RALY: variants seen among roughly 807,000 people sequenced by gnomAD.
RALY encodes RNA-binding protein Raly.
A neutral mutation model predicts 30.7 loss-of-function variants in RALY; 15 were observed. That is an observed-to-expected ratio of 0.49 (90% CI 0.33 to 0.75). The LOEUF is 0.75. Ranked by LOEUF, RALY falls within the 30% of genes least tolerant of loss-of-function variation. The probability of loss-of-function intolerance (pLI) is 0.02; values close to 1 mark genes in which losing one functional copy is unlikely to be tolerated. For missense variants in RALY, 339 were observed against 414.3 expected (o/e 0.82, Z 1.58); for synonymous variants, 177 against 170.8 (o/e 1.04, Z -0.28).
chr20:34,015,327 A>T (rs2031561631), intron 1 of RALY, among the ~76,000 whole-genome samples: 1 of 150,434 alleles, frequency 6.6e-6, no homozygotes. Context: ...TCTTCTCAAT[A>T]TTTCCCCCTT....
chr20:33,994,946 G>A (rs1163095391), intron 1 of RALY, among the ~76,000 whole-genome samples: 1 of 152,186 alleles, frequency 6.6e-6, no homozygotes, highest in Non-Finnish European at 1.5e-5. Flanking sequence ...AAGGCGCAGA[G>A]GGGTCAAGTA....
chr20:34,031,897 G>C (rs893173346), intron 2 of RALY, among the ~76,000 whole-genome samples: 1 of 152,112 alleles, frequency 6.6e-6, no homozygotes, highest in East Asian at 1.9e-4. Context: ...GCAGGTGGGG[G>C]GCTATCCTGG....
rs2034066727 is a variant in RALY, at chr20:34,083,940, TC to T, written c.*4037del. 1 of 152,182 alleles carries T rather than the reference TC, an allele frequency of 6.6e-6. No individual in the cohort carries two copies. The highest frequency in any genetic ancestry group is 1.5e-5 in the Non-Finnish European group (1 of 68,028). 9.4% of individuals were successfully genotyped at this position (152,182 alleles called of 1,614,324 possible). ...GTAGCCAGATTCTTCATAATAAACT[TC>T]CTCCATAACAGTAAACCATTTCCTG... On this transcript the variant is annotated 3_prime_UTR_variant, in exon 10 of 10. Coordinates refer to ENST00000246194, the MANE Select transcript of RALY (RefSeq NM_016732.3).
At chr20:34,028,137 T>C (rs1391700028) in intron 1 of RALY, among the ~76,000 whole-genome samples, 1 of 151,966 alleles carries the variant, frequency 6.6e-6, no homozygotes, top group African/African-American at 2.4e-5. Flanking sequence ...AACACAAAAA[T>C]TAGCCAGACG....
intron 2 of RALY, among the ~76,000 whole-genome samples, chr20:34,056,056 C>T (rs1472517109): frequency 6.6e-6 from 1 of 152,138 alleles, no homozygotes; most frequent in African/African-American, 2.4e-5. Context: ...CACTGGGCTG[C>T]GTACAACATC....
At chr20:33,997,656 G>T (rs950490130) in intron 1 of RALY, among the ~76,000 whole-genome samples, 8 of 152,206 alleles carry the variant, frequency 5.3e-5, no homozygotes, top group Non-Finnish European at 5.9e-5. Flanking sequence ...TGGGTTCTTG[G>T]AGGATGTTTA....
chr20:34,004,141 G>C (rs1464955746), intron 1 of RALY, among the ~76,000 whole-genome samples: 2 of 152,222 alleles, frequency 1.3e-5, no homozygotes, highest in African/African-American at 4.8e-5. Context: ...TGATTGGGAA[G>C]TTCAGAAGGG....
At chr20:34,017,689 C>CT (rs1397928686) in intron 1 of RALY, 1 of 152,214 alleles carries the variant, frequency 6.6e-6, no homozygotes, top group African/African-American at 2.4e-5. Context: ...CTGAACTGGC[C>CT]TTGTGCAAGG....
Position 34,076,897 on chromosome 20 carries a change from G to A in RALY, c.658+82G>A, listed in dbSNP as rs2033896026. ...GGGAAATAGTACATGGGAGAGAGGA[G>A]CTAGGGTGGCCCTGCAGATCCTGGA... On this transcript the variant is annotated intron_variant, in intron 7 of 9. Transcript: ENST00000246194. 6 of 1,587,006 alleles carry A rather than the reference G, an allele frequency of 3.8e-6. No individual in the cohort carries two copies. In the Admixed American group the frequency reaches 7.0e-5, roughly 18 times the overall value.
At chr20:34,047,645 CTGTAATAAT>C (rs2032928835) in intron 2 of RALY, among the ~76,000 whole-genome samples, 1 of 152,146 alleles carries the variant, frequency 6.6e-6, no homozygotes, top group Non-Finnish European at 1.5e-5. Flanking sequence ...CTGCCATTTA[CTGTAATAAT>C]TGTGTTCCTT....
rs151324482 is a variant in RALY, at chr20:34,049,861, A to G, written c.-10+18257A>G. ...TATTTTGAAAAGTATAAAGATGGCA[A>G]CCTTTCTTTCTATCCCCTACTTAGT... is the stretch of plus-strand genomic sequence containing the variant. On this transcript the variant is annotated intron_variant, in intron 2 of 9. Transcript: ENST00000246194. Among the ~76,000 whole-genome samples the G allele has an allele frequency of 3.1e-3, 465 of 152,252 alleles. 4 individuals carry two copies. The highest frequency in any genetic ancestry group is 0.01 in the Middle Eastern group (3 of 294).
intron 1 of RALY, among the ~76,000 whole-genome samples, chr20:34,007,171 A>G (rs374483681): frequency 2.0e-5 from 3 of 152,184 alleles, no homozygotes; most frequent in East Asian, 1.9e-4. Flanking sequence ...ACACAGGCCT[A>G]CTTGTCTGCA....
rs2034073332 is a variant in RALY, at chr20:34,084,472, A to G, written c.*4567A>G. 1 of 152,258 alleles carries G rather than the reference A, an allele frequency of 6.6e-6. No homozygotes were observed. The highest frequency in any genetic ancestry group is 2.4e-5 in the African/African-American group (1 of 41,464). 9.4% of individuals were successfully genotyped at this position (152,258 alleles called of 1,614,324 possible). A position where few individuals can be genotyped will look rare whatever the true frequency, so the allele number is the denominator to read the frequency against. ...AGGCATCCACTGTGTGGTTATGTCTATTCTATAGATTTTGTAGATGAGGTT... is the reference window on the plus strand; with the variant it reads ...AGGCATCCACTGTGTGGTTATGTCTGTTCTATAGATTTTGTAGATGAGGTT... On this transcript the variant is annotated 3_prime_UTR_variant, in exon 10 of 10. Coordinates refer to ENST00000246194, the MANE Select transcript of RALY (RefSeq NM_016732.3).
chr20:34,006,027 A>G (rs1187295669), intron 1 of RALY, among the ~76,000 whole-genome samples: 1 of 152,222 alleles, frequency 6.6e-6, no homozygotes, highest in Non-Finnish European at 1.5e-5. Context: ...AATTTTGTCA[A>G]TTATGAATAA....
chr20:34,073,957 T>G (rs963036201), intron 5 of RALY, 91 bp downstream of exon 5: 25 of 1,435,792 alleles, frequency 1.7e-5, no homozygotes, highest in African/African-American at 2.8e-5. Context: ...GTTCTCCAAA[T>G]GAGAACCAAA....
At chr20:34,071,806 C>T (rs1401998573) in intron 2 of RALY, among the ~76,000 whole-genome samples, 5 of 152,106 alleles carry the variant, frequency 3.3e-5, no homozygotes, top group African/African-American at 1.2e-4. Context: ...TGAGATTTCT[C>T]CCTTGTAAAA....
intron 2 of RALY, among the ~76,000 whole-genome samples, chr20:34,051,737 A>G (rs1451542783): frequency 2.0e-5 from 3 of 152,080 alleles, no homozygotes; most frequent in African/African-American, 7.2e-5. Context: ...CTGGGGCTAC[A>G]GGCGCCTGCC....
intron 6 of RALY, 50 bp from the exon 7 acceptor site, chr20:34,076,652 T>G: frequency 6.7e-7 from 1 of 1,502,672 alleles, no homozygotes; most frequent in Non-Finnish European, 9.2e-7. Context: ...TGTGCTAGTG[T>G]CAAGCCTCCA....
At chr20:34,019,889 G>A (rs8123665) in intron 1 of RALY, among the ~76,000 whole-genome samples, 14,845 of 151,952 alleles carry the variant, frequency 0.098, 2,432 homozygotes, top group African/African-American at 0.34. Context: ...GTGAAACCCC[G>A]TCTCTACTAA....
Sources: allele counts gnomAD v4.1 joint callset (sites outside exome capture counted in the v4.1 genomes callset), GRCh38; gene constraint gnomAD v4.1.1; transcripts MANE v1.5; gene names NCBI Gene and HGNC (gene_info 2026-07-23, HGNC 2026-07-21).